FHL1: variants seen among roughly 807,000 people sequenced by gnomAD.
FHL1 encodes the protein four and a half LIM domains protein 1.
A neutral mutation model predicts 20.3 loss-of-function variants in FHL1; 1 was observed. That is an observed-to-expected ratio of 0.05 (90% CI 0.02 to 0.23). The LOEUF is 0.23. FHL1 is among the 10% of genes least tolerant of loss of function. The pLI, the probability that FHL1 is intolerant of heterozygous loss-of-function variation, is 1.00. For missense variants in FHL1, 177 were observed against 234.0 expected (o/e 0.76, Z 1.59); for synonymous variants, 82 against 88.9 (o/e 0.92, Z 0.44).
chrX:136,210,216 AGC>A lies in FHL1; in HGVS notation c.*192_*193del, dbSNP rs781271089. 4.4e-5 allele frequency: 27 copies of A among 617,896 alleles called. No homozygotes were observed. Among genetic ancestry groups the A allele is most frequent in the Non-Finnish European group, 1.0e-5 (4 of 382,468 alleles). The allele number at this position is 617,896 out of a possible 1,213,427, so 50.9% of individuals were successfully genotyped here. On this transcript the variant is annotated 3_prime_UTR_variant, in exon 6 of 6. Transcript: ENST00000370683. Reference sequence around the variant, plus strand: ...GTGATCATATTAGCATTTAGCAAAAAGCAACCCTGCAGCAAAGTGAATTTCTG... The same window carrying A: ...GTGATCATATTAGCATTTAGCAAAAAAACCCTGCAGCAAAGTGAATTTCTG...
chrX:136,151,397 C>T (rs1013486992), intron 1 of FHL1, among the ~76,000 whole-genome samples: 2 of 112,613 alleles, frequency 1.8e-5, no homozygotes, highest in Admixed American at 9.4e-5. Context: ...GTTGGCGGAG[C>T]TCACTTTATT....
At chrX:136,188,608 G>T (rs919219280) in intron 2 of FHL1, among the ~76,000 whole-genome samples, 48 of 111,259 alleles carry the variant, frequency 4.3e-4, no homozygotes, top group Non-Finnish European at 4.0e-4. Flanking sequence ...TTTCTTTTGG[G>T]TGGGGATGTG....
intron 1 of FHL1, among the ~76,000 whole-genome samples, chrX:136,156,912 A>G (rs1309252335): frequency 3.6e-5 from 4 of 110,101 alleles, no homozygotes; most frequent in African/African-American, 1.3e-4. Context: ...GACATAATCA[A>G]TCACCTGCAC....
chrX:136,206,017 A>G (rs972973965), intron 1 of FHL1: 9 of 271,633 alleles, frequency 3.3e-5, no homozygotes, highest in South Asian at 3.3e-4. Context: ...TCACTGCTCA[A>G]TGGCACAATA....
intron 2 of FHL1, among the ~76,000 whole-genome samples, chrX:136,179,141 G>T (rs1385704821): frequency 9.0e-6 from 1 of 111,715 alleles, no homozygotes; most frequent in East Asian, 2.8e-4. Context: ...TCCCAGGACC[G>T]GTAGAGTTTT....
chrX:136,208,056 C>A, intron 4 of FHL1, 95 bp downstream of exon 4: 1 of 994,906 alleles, frequency 1.0e-6, no homozygotes. Flanking sequence ...ATTCCATCCT[C>A]ACGACAGCCC....
At chrX:136,186,577 C>T (rs2073293343) in intron 2 of FHL1, among the ~76,000 whole-genome samples, 1 of 110,950 alleles carries the variant, frequency 9.0e-6, no homozygotes, top group Non-Finnish European at 1.9e-5. Flanking sequence ...GTATATATTT[C>T]AAGGCTGGGT....
chrX:136,188,380 C>T (rs746568166), intron 2 of FHL1, among the ~76,000 whole-genome samples: 1 of 111,765 alleles, frequency 8.9e-6, no homozygotes, highest in South Asian at 3.8e-4. Flanking sequence ...CACAGCTCAT[C>T]CCAGAGCTGT....
upstream of FHL1, among the ~76,000 whole-genome samples, chrX:136,166,312 A>T (rs1043323830): frequency 8.9e-6 from 1 of 112,280 alleles, no homozygotes; most frequent in African/African-American, 3.2e-5. Context: ...TGGAACGAAG[A>T]CTGCTCCAGC....
intron 3 of FHL1, 175 bp downstream of exon 3, chrX:136,207,365 A>T: frequency 2.1e-6 from 1 of 469,232 alleles, no homozygotes; most frequent in Non-Finnish European, 3.6e-6. Context: ...GCTCGCACAC[A>T]CGCACACACT....
chrX:136,165,188 A>T (rs1289473691), upstream of FHL1, among the ~76,000 whole-genome samples: 1 of 111,856 alleles, frequency 8.9e-6, no homozygotes, highest in Non-Finnish European at 1.9e-5. Context: ...TTGTTTATTA[A>T]ATGAATATAC....
At chrX:136,202,779 G>C (rs1451947823) in intron 1 of FHL1, among the ~76,000 whole-genome samples, 3 of 112,032 alleles carry the variant, frequency 2.7e-5, no homozygotes, top group Non-Finnish European at 5.6e-5. Flanking sequence ...GAAAGAAAGA[G>C]CAAGCTTTTC....
intron 1 of FHL1, among the ~76,000 whole-genome samples, chrX:136,161,411 C>G (rs1053746642): frequency 1.8e-5 from 2 of 112,052 alleles, no homozygotes; most frequent in South Asian, 3.7e-4. Context: ...CTTGGACTGC[C>G]TGATTGTTAC....
chrX:136,210,645 C>T lies in FHL1; in HGVS notation c.*620C>T, dbSNP rs774871888. ...TCCCCGTACTAACGTTTGGTTTCCC[C>T]GTGTGGCATGTTTTCTGAGCGTTCC... is the stretch of plus-strand genomic sequence containing the variant. On this transcript the variant is annotated 3_prime_UTR_variant, in exon 6 of 6. Transcript: ENST00000370683. 114 of 388,258 alleles carry T rather than the reference C, an allele frequency of 2.9e-4. No individual in the cohort carries two copies. The highest frequency in any genetic ancestry group is 2.8e-3 in the South Asian group (109 of 38,829). 32.0% of individuals were successfully genotyped at this position (388,258 alleles called of 1,213,427 possible).
chrX:136,165,328 G>A (rs1310806944), upstream of FHL1, among the ~76,000 whole-genome samples: 1 of 111,915 alleles, frequency 8.9e-6, no homozygotes, highest in African/African-American at 3.2e-5. Context: ...CAGTTCTTTT[G>A]TTAAAGAAAA....
rs753551849 is a variant in FHL1, at chrX:136,177,404, T to C, written c.-27+7424T>C. Among the ~76,000 whole-genome samples the C allele has an allele frequency of 3.6e-5, 4 of 111,949 alleles. No individual in the cohort carries two copies. The South Asian group carries it at 1.5e-3, about 42-fold the overall frequency. ...TTGATGTGAAATGAGGACATAGATA[T>C]CTGATCTCTAAGGTAGGTAGAGTCA... On this transcript the variant is annotated intron_variant, in intron 2 of 6. Coordinates refer to the FHL1 transcript ENST00000394153.
At position 136,210,013 on chromosome X, in the gene FHL1, CA is replaced by C; in HGVS notation, c.884del (p.Lys295SerfsTer11). The C allele has an allele frequency of 8.3e-7, 1 of 1,211,040 alleles. No homozygotes were observed. Among genetic ancestry groups the C allele is most frequent in the Non-Finnish European group, 1.1e-6 (1 of 895,360 alleles). ...QEQVYCPDCAKKL is the reference protein window; with the variant it reads ...QEQVYCPDCAXKL ...AGCAAGTGTATTGTCCCGACTGTGC[CA>C]AAAAGCTGTAAACTGACAGGGGCTC... On this transcript the variant is annotated frameshift_variant, in exon 6 of 6. Transcript: ENST00000370683. LOFTEE classifies it high-confidence loss of function.
At chrX:136,186,236 G>C (rs1256578010) in intron 2 of FHL1, among the ~76,000 whole-genome samples, 2 of 110,918 alleles carry the variant, frequency 1.8e-5, no homozygotes, top group African/African-American at 6.6e-5. Flanking sequence ...CGTGGGTTTT[G>C]GTGCAAAGAG....
At chrX:136,208,420 T>A (rs746164455) in intron 4 of FHL1, 35 bp from the exon 5 acceptor site, 2 of 1,206,195 alleles carry the variant, frequency 1.7e-6, no homozygotes, top group Non-Finnish European at 2.2e-6. Context: ...AAATGGTTGT[T>A]GAATCTGAAT....
Sources: allele counts gnomAD v4.1 joint callset (sites outside exome capture counted in the v4.1 genomes callset), GRCh38; gene constraint gnomAD v4.1.1; transcripts MANE v1.5; gene names NCBI Gene and HGNC (gene_info 2026-07-23, HGNC 2026-07-21).